Variants in COL23A1 observed in about 807,000 individuals in gnomAD.
COL23A1 encodes collagen type XXIII alpha 1 chain.
Under a neutral mutation model 99.3 loss-of-function variants are expected in COL23A1, and 97 were observed. The observed-to-expected ratio is 0.98, with a 90% CI of 0.83 to 1.16. The LOEUF is 1.16. COL23A1 is among the 50% of genes most tolerant of loss of function. COL23A1 has a pLI of 0.00. For missense variants in COL23A1, 762 were observed against 757.4 expected (o/e 1.01, Z -0.07); for synonymous variants, 320 against 308.2 (o/e 1.04, Z -0.40).
At chr5:178,240,372 G>A (rs1300716899) in intron 27 of COL23A1, among the ~76,000 whole-genome samples, 3 of 152,164 alleles carry the variant, frequency 2.0e-5, no homozygotes, top group African/African-American at 7.2e-5. Context: ...GCAGAAGCGA[G>A]GAAGGCCGGG....
chr5:178,355,204 C>T (rs140295627), intron 2 of COL23A1, among the ~76,000 whole-genome samples: 2,119 of 152,172 alleles, frequency 0.014, 20 homozygotes, highest in Non-Finnish European at 0.02. Flanking sequence ...ACACATTTTA[C>T]CAGGAATTCA....
intron 2 of COL23A1, among the ~76,000 whole-genome samples, chr5:178,502,175 A>C (rs1450616027): frequency 2.0e-5 from 3 of 152,236 alleles, no homozygotes; most frequent in Non-Finnish European, 2.9e-5. Flanking sequence ...TCTGTCGCCC[A>C]GGCTGGAGTG....
chr5:178,418,770 T>C (rs1490873748), intron 2 of COL23A1, among the ~76,000 whole-genome samples: 1 of 151,714 alleles, frequency 6.6e-6, no homozygotes, highest in African/African-American at 2.4e-5. Context: ...CCTCTGCTTG[T>C]CGGCACTGGG....
At chr5:178,479,073 C>T (rs1757185569) in intron 2 of COL23A1, among the ~76,000 whole-genome samples, 1 of 151,688 alleles carries the variant, frequency 6.6e-6, no homozygotes, top group African/African-American at 2.4e-5. Flanking sequence ...TGGCCCAGGA[C>T]CTTCATCAGG....
intron 2 of COL23A1, 83 bp downstream of exon 2, chr5:178,560,599 C>T (rs1156939076): frequency 1.5e-6 from 2 of 1,308,786 alleles, no homozygotes; most frequent in South Asian, 2.6e-5. Context: ...CCCAGTCCAC[C>T]TTCCGGACCA....
intron 2 of COL23A1, among the ~76,000 whole-genome samples, chr5:178,558,935 T>C (rs1448720708): frequency 2.0e-5 from 3 of 152,216 alleles, no homozygotes; most frequent in East Asian, 1.9e-4. Context: ...ACTACAGGCA[T>C]GCGCCACCAT....
intron 3 of COL23A1, among the ~76,000 whole-genome samples, chr5:178,305,882 G>C (rs1015567085): frequency 6.6e-6 from 1 of 152,162 alleles, no homozygotes; most frequent in African/African-American, 2.4e-5. Context: ...GATGCAGCCA[G>C]GTGTCTACAC....
rs1581401871 is a variant in COL23A1, at chr5:178,444,339, C to T, written c.361+116343G>A. ...TTTTGATCTGAAGACTCAGGGAACT[C>T]TGTTGATTATTTCTTTCATATTTGT... On this transcript the variant is annotated intron_variant, in intron 2 of 28. Coordinates refer to ENST00000390654, the MANE Select transcript of COL23A1 (RefSeq NM_173465.4). Among the ~76,000 whole-genome samples the T allele has an allele frequency of 3.9e-5, 6 of 152,294 alleles. No individual in the cohort carries two copies. In the South Asian group the frequency reaches 1.2e-3, roughly 32 times the overall value.
At chr5:178,585,605 T>C (rs80105402) in intron 1 of COL23A1, among the ~76,000 whole-genome samples, 18 of 1,234 alleles carry the variant, frequency 0.015, 1 homozygote, top group South Asian at 0.056. Context: ...GGGGTAACAC[T>C]CCACAGCCCT....
intron 2 of COL23A1, among the ~76,000 whole-genome samples, chr5:178,480,106 T>C (rs1757252428): frequency 6.6e-6 from 1 of 151,740 alleles, no homozygotes; most frequent in African/African-American, 2.4e-5. Context: ...GGCCCACTGT[T>C]GACCAACATG....
chr5:178,477,568 G>A (rs1757098147), intron 2 of COL23A1, among the ~76,000 whole-genome samples: 1 of 152,188 alleles, frequency 6.6e-6, no homozygotes, highest in South Asian at 2.1e-4. Flanking sequence ...TAGACAGTTT[G>A]TACCCAAAGG....
intron 2 of COL23A1, among the ~76,000 whole-genome samples, chr5:178,380,540 C>T (rs148050480): frequency 1.3e-5 from 2 of 152,060 alleles, no homozygotes; most frequent in South Asian, 2.1e-4. Context: ...ATTTTTCAGT[C>T]GCAGTTGATT....
Position 178,387,380 on chromosome 5 carries a change from C to T in COL23A1, c.362-80461G>A, listed in dbSNP as rs1254900358. ...ACAAGTCTCTAAGACACTGCTGGGT[C>T]AAGCCTCAGTGCGTTTGCCCAGGTG... On this transcript the variant is annotated intron_variant, in intron 2 of 28. Transcript: ENST00000390654. This position sits in a 1 kb window ranked among gnomAD's most constrained non-coding sequence, Gnocchi z 4.7. 1.3e-5 allele frequency among the ~76,000 whole-genome samples: 2 copies of T among 152,196 alleles called. No individual in the cohort carries two copies. Among genetic ancestry groups the T allele is most frequent in the Non-Finnish European group, 2.9e-5 (2 of 68,040 alleles).
intron 25 of COL23A1, among the ~76,000 whole-genome samples, 186 bp downstream of exon 25, chr5:178,245,756 C>T (rs1764658824): frequency 6.6e-6 from 1 of 152,226 alleles, no homozygotes; most frequent in Non-Finnish European, 1.5e-5. Flanking sequence ...ATTCATCTAT[C>T]CACAAAGGAC....
intron 2 of COL23A1, among the ~76,000 whole-genome samples, chr5:178,360,626 T>G (rs942597599): frequency 2.0e-5 from 3 of 152,244 alleles, no homozygotes; most frequent in African/African-American, 4.8e-5. Context: ...GTCCCCACCT[T>G]AAAAGTGAGA....
chr5:178,562,879 TTTGGTGCATTTTTACAGAGCACTGA>T (rs1762672114), intron 1 of COL23A1, among the ~76,000 whole-genome samples: 3 of 152,114 alleles, frequency 2.0e-5, no homozygotes, highest in Admixed American at 2.0e-4. Context: ...CAGAGCGCTG[TTTGGTGCATTTTTACAGAGCACTGA>T]TTGGTGCATT....
At chr5:178,403,753 C>G (rs1040321083) in intron 2 of COL23A1, among the ~76,000 whole-genome samples, 1 of 152,242 alleles carries the variant, frequency 6.6e-6, no homozygotes, top group African/African-American at 2.4e-5. Flanking sequence ...CCAACACCTG[C>G]AACGCTTTCC....
At chr5:178,557,004 A>T (rs1762311667) in intron 2 of COL23A1, among the ~76,000 whole-genome samples, 1 of 152,220 alleles carries the variant, frequency 6.6e-6, no homozygotes, top group Non-Finnish European at 1.5e-5. Flanking sequence ...AAAATAAGAC[A>T]CAGGTCTGCC....
intron 2 of COL23A1, among the ~76,000 whole-genome samples, chr5:178,437,510 G>A (rs796858027): frequency 2.8e-4 from 42 of 152,308 alleles, no homozygotes; most frequent in African/African-American, 7.7e-4. Context: ...GTGGATGTGT[G>A]GTGGGGAGGA....
Sources: gnomAD v4.1 joint callset for allele counts (sites outside exome capture counted in the v4.1 genomes callset) on GRCh38, gnomAD v4.1.1 for gene constraint, Gnocchi (gnomAD v3.1) non-coding constraint, MANE v1.5 for transcripts, NCBI Gene and HGNC (gene_info 2026-07-23, HGNC 2026-07-21) for gene names.